Variants in RGS6 observed in about 807,000 individuals in gnomAD.
RGS6 encodes regulator of G protein signaling 6, also known as regulator of G-protein signaling 6.
A neutral mutation model predicts 78.5 loss-of-function variants in RGS6; 30 were observed. The observed-to-expected ratio is 0.38, with a 90% CI of 0.29 to 0.52. RGS6 has a LOEUF of 0.52. Among genes scored for constraint, RGS6 ranks in the 20% least tolerant of loss-of-function variants. RGS6 has a pLI of 0.85. For synonymous variants in RGS6, 206 were observed against 206.0 expected (o/e 1.00, Z 0.00); for missense variants, 495 against 609.7 (o/e 0.81, Z 1.98).
chr14:72,043,610 A>G (rs1364269991), intron 2 of RGS6, among the ~76,000 whole-genome samples: 1 of 152,120 alleles, frequency 6.6e-6, no homozygotes, highest in Non-Finnish European at 1.5e-5. Context: ...TGCAACTTTC[A>G]TCCTCTATAG....
At chr14:72,281,461 C>T (rs1162204855) in intron 2 of RGS6, among the ~76,000 whole-genome samples, 4 of 152,114 alleles carry the variant, frequency 2.6e-5, no homozygotes. Context: ...AAACAATTTT[C>T]TTAAGGCAAG....
At position 72,385,902 on chromosome 14, in the gene RGS6, G is replaced by A. The variant is rs139997602; in HGVS notation, c.184+33708G>A. Among the ~76,000 whole-genome samples the A allele has an allele frequency of 4.6e-5, 7 of 152,256 alleles. No individual in the cohort carries two copies. In the East Asian group the frequency reaches 1.2e-3, roughly 25 times the overall value. ...TACACTTTTAGTCATGAACGAGGGT[G>A]GAAGAAAGCTAATATCACATGTTGA... On this transcript the variant is annotated intron_variant, in intron 3 of 17. Coordinates refer to ENST00000553525, the MANE Select transcript of RGS6 (RefSeq NM_001204424.2).
intron 2 of RGS6, among the ~76,000 whole-genome samples, chr14:72,311,738 C>T (rs2068672587): frequency 6.6e-6 from 1 of 152,148 alleles, no homozygotes; most frequent in Non-Finnish European, 1.5e-5. Context: ...CTTGAAAAGA[C>T]CACTGTTGGG....
At chr14:71,870,146 A>G in the RGS6 span, among the ~76,000 whole-genome samples, 6 of 152,208 alleles carry the variant, frequency 3.9e-5, no homozygotes, top group Middle Eastern at 3.4e-3. Context: ...TTGTAATCAC[A>G]CAGTGGCCAA....
chr14:72,017,545 T>C (rs1358903284), intron 2 of RGS6, among the ~76,000 whole-genome samples: 1 of 152,190 alleles, frequency 6.6e-6, no homozygotes, highest in Non-Finnish European at 1.5e-5. Flanking sequence ...ACATCAGAGT[T>C]GAATAGTTGC....
the RGS6 span, among the ~76,000 whole-genome samples, chr14:72,572,046 A>G: frequency 6.6e-6 from 1 of 152,266 alleles, no homozygotes; most frequent in Non-Finnish European, 1.5e-5. Flanking sequence ...CAACAAGCAC[A>G]GGAAAGGATG....
intron 2 of RGS6, among the ~76,000 whole-genome samples, chr14:72,142,552 C>T (rs911468977): frequency 6.6e-6 from 1 of 152,146 alleles, no homozygotes; most frequent in Admixed American, 6.5e-5. Flanking sequence ...TATCAGAGTG[C>T]ATCAAGGGCA....
intron 2 of RGS6, among the ~76,000 whole-genome samples, chr14:72,286,521 T>C (rs537057939): frequency 8.2e-6 from 1 of 121,906 alleles, no homozygotes; most frequent in Admixed American, 7.7e-5. Flanking sequence ...AGAATTTTAG[T>C]ATTTTTTTTT....
chr14:72,589,384 T>C, the RGS6 span, among the ~76,000 whole-genome samples: 1 of 152,056 alleles, frequency 6.6e-6, no homozygotes, highest in Admixed American at 6.5e-5. Context: ...ACCCCGTCTC[T>C]ACAAAAAATA....
chr14:72,570,235 T>C (rs544659143), downstream of RGS6, among the ~76,000 whole-genome samples: 11 of 152,334 alleles, frequency 7.2e-5, no homozygotes, highest in African/African-American at 2.2e-4. Flanking sequence ...CTAGAGATAA[T>C]GTAAAGTATA....
intron 3 of RGS6, among the ~76,000 whole-genome samples, chr14:72,368,723 T>A (rs2082883493): frequency 6.6e-6 from 1 of 152,210 alleles, no homozygotes; most frequent in Admixed American, 6.5e-5. Flanking sequence ...GTATTCTTAG[T>A]CTTTGTTACT....
At chr14:72,461,606 C>A (rs1225394486) in intron 6 of RGS6, among the ~76,000 whole-genome samples, 3 of 152,096 alleles carry the variant, frequency 2.0e-5, no homozygotes, top group African/African-American at 7.2e-5. Flanking sequence ...ATGGGAGGAT[C>A]ACTTGAGCCC....
upstream of RGS6, among the ~76,000 whole-genome samples, chr14:71,927,696 C>T (rs377021275): frequency 9.4e-5 from 14 of 149,424 alleles, no homozygotes; most frequent in South Asian, 2.1e-4. Context: ...TTCGCTCTGT[C>T]GCCCAGGCTG....
intron 3 of RGS6, among the ~76,000 whole-genome samples, chr14:72,397,945 C>A (rs979187128): frequency 6.6e-6 from 1 of 152,076 alleles, no homozygotes; most frequent in Non-Finnish European, 1.5e-5. Context: ...CTGCTGGATT[C>A]GGTTTGCCAG....
At chr14:72,062,344 G>A (rs747944325) in intron 2 of RGS6, among the ~76,000 whole-genome samples, 6 of 152,300 alleles carry the variant, frequency 3.9e-5, no homozygotes, top group South Asian at 2.1e-4. Context: ...AGCCAGAGAC[G>A]TGGTCAAGAG....
the RGS6 span, among the ~76,000 whole-genome samples, chr14:71,900,061 A>T: frequency 6.6e-6 from 1 of 152,186 alleles, no homozygotes; most frequent in Non-Finnish European, 1.5e-5. Flanking sequence ...TCTTTTGAGG[A>T]CATCTTTACG....
rs28563833 is a variant in RGS6 at position 72,428,280 on chromosome 14, C to T, written c.185-26248C>T. ...AATTAGTTGGTCTCAACATTTCTAA[C>T]GGCAAAGTTACAGGTCACCTAATAC... On this transcript the variant is annotated intron_variant, in intron 3 of 17. Transcript: ENST00000553525. Among the ~76,000 whole-genome samples, 1,271 of 152,184 alleles carry T rather than the reference C, an allele frequency of 8.4e-3. 21 individuals carry two copies. The highest frequency in any genetic ancestry group is 0.029 in the African/African-American group (1,209 of 41,518).
chr14:72,361,872 G>A (rs2081527046), intron 3 of RGS6, among the ~76,000 whole-genome samples: 2 of 152,144 alleles, frequency 1.3e-5, no homozygotes, highest in Admixed American at 1.3e-4. Context: ...GAAAGCAGCA[G>A]TTAGTAGCAG....
rs139604268 is a variant in RGS6, at chr14:72,121,783, C to T, written c.84+156908C>T. The stretch of plus-strand genomic sequence containing the variant: ...TGTATTCATGTCAGATTCTTGCAGT[C>T]TCCTGAGGATCTTTCAAGGACTGGA... On this transcript the variant is annotated intron_variant, in intron 2 of 17. Transcript: ENST00000553525. Among the ~76,000 whole-genome samples, 185 of 152,250 alleles carry T rather than the reference C, an allele frequency of 1.2e-3. 5 individuals are homozygous for T. The South Asian group carries it at 0.022, about 18-fold the overall frequency.
Sources: gnomAD v4.1 joint callset for allele counts (sites outside exome capture counted in the v4.1 genomes callset) on GRCh38, gnomAD v4.1.1 for gene constraint, MANE v1.5 for transcripts, NCBI Gene and HGNC (gene_info 2026-07-23, HGNC 2026-07-21) for gene names.